The following MOB1B variants were observed in gnomAD, a reference collection of about 807,000 sequenced individuals.
MOB1B encodes the protein MOB kinase activator 1B, also known as MOB1 Mps One Binder homolog B.
A neutral mutation model predicts 24.4 loss-of-function variants in MOB1B; 19 were observed. The ratio of observed to expected loss-of-function variants is 0.78; its 90% confidence interval spans 0.54 to 1.14. MOB1B has a LOEUF of 1.14. Among genes scored for constraint, MOB1B ranks in the 50% most tolerant of loss-of-function variants. The pLI is 0.00. For missense variants in MOB1B, 243 were observed against 259.6 expected (o/e 0.94, Z 0.44); for synonymous variants, 76 against 82.1 (o/e 0.93, Z 0.40).
intron 1 of MOB1B, among the ~76,000 whole-genome samples, chr4:70,932,404 T>A (rs1578363532): frequency 6.6e-6 from 1 of 152,284 alleles, no homozygotes; most frequent in South Asian, 2.1e-4. Flanking sequence ...TTCTTTTTCT[T>A]TCTTTTTTTT....
chr4:70,974,753 A>C (rs1738906919), intron 3 of MOB1B, among the ~76,000 whole-genome samples: 1 of 152,204 alleles, frequency 6.6e-6, no homozygotes, highest in Admixed American at 6.5e-5. Flanking sequence ...TAAAGCCCCA[A>C]GTTAAAAAGA....
chr4:70,980,632 C>G (rs1404708104), intron 5 of MOB1B, among the ~76,000 whole-genome samples: 1 of 152,172 alleles, frequency 6.6e-6, no homozygotes, highest in Non-Finnish European at 1.5e-5. Flanking sequence ...CACCCCTCCC[C>G]ACAGAGTGAG....
intron 2 of MOB1B, among the ~76,000 whole-genome samples, chr4:70,960,211 C>G (rs1738249804): frequency 6.6e-6 from 1 of 151,956 alleles, no homozygotes; most frequent in Non-Finnish European, 1.5e-5. Flanking sequence ...AAAAAGATAT[C>G]AAGTAGTCAT....
chr4:70,943,449 T>A (rs1226357580), intron 1 of MOB1B, among the ~76,000 whole-genome samples: 1 of 152,202 alleles, frequency 6.6e-6, no homozygotes, highest in Non-Finnish European at 1.5e-5. Context: ...TAATCATGTT[T>A]TCCACTTACC....
chr4:70,974,246 C>T (rs1010811605), intron 3 of MOB1B, among the ~76,000 whole-genome samples: 28 of 151,950 alleles, frequency 1.8e-4, no homozygotes, highest in Admixed American at 1.2e-3. Context: ...CCTCCTCCTC[C>T]CTGGTTCAAG....
chr4:70,963,155 T>G (rs1404973745), intron 2 of MOB1B, among the ~76,000 whole-genome samples: 1 of 152,178 alleles, frequency 6.6e-6, no homozygotes, highest in Non-Finnish European at 1.5e-5. Context: ...AGCTCTTAAA[T>G]TCAGCAATAA....
intron 1 of MOB1B, among the ~76,000 whole-genome samples, chr4:70,910,436 CATAT>C (rs1313613967): frequency 1.3e-5 from 2 of 151,162 alleles, no homozygotes; most frequent in Non-Finnish European, 2.9e-5. Context: ...TATATACACA[CATAT>C]GTATGTATAT....
At chr4:70,948,270 A>G (rs903341227) in intron 1 of MOB1B, among the ~76,000 whole-genome samples, 19 of 152,162 alleles carry the variant, frequency 1.2e-4, no homozygotes, top group Non-Finnish European at 5.9e-5. Flanking sequence ...GTTCACTTTT[A>G]TAATGACAAT....
At chr4:70,936,236 C>T (rs541317718) in intron 1 of MOB1B, among the ~76,000 whole-genome samples, 7 of 152,220 alleles carry the variant, frequency 4.6e-5, no homozygotes, top group South Asian at 2.1e-4. Flanking sequence ...TCAAGCAGTC[C>T]GCCCACCTCA....
At chr4:70,973,939 A>G (rs757780716) in intron 3 of MOB1B, among the ~76,000 whole-genome samples, 5 of 152,148 alleles carry the variant, frequency 3.3e-5, no homozygotes, top group Non-Finnish European at 7.4e-5. Context: ...TCTGTTATAT[A>G]TTGTCATCTC....
chr4:70,908,474 T>C (rs2148866010), intron 1 of MOB1B, among the ~76,000 whole-genome samples: 1 of 151,598 alleles, frequency 6.6e-6, no homozygotes, highest in East Asian at 2.0e-4. Flanking sequence ...CATTTGTCAT[T>C]CTTAAGATTA....
At chr4:70,908,771 TC>T (rs1362282664) in intron 1 of MOB1B, among the ~76,000 whole-genome samples, 1 of 4,742 alleles carries the variant, frequency 2.1e-4, no homozygotes, top group Non-Finnish European at 4.0e-4. Flanking sequence ...TGAGACTTCG[TC>T]TTAAAAAAAA....
At chr4:70,903,799 A>G (rs907558733) in intron 1 of MOB1B, among the ~76,000 whole-genome samples, 4 of 151,840 alleles carry the variant, frequency 2.6e-5, no homozygotes, top group Admixed American at 1.3e-4. Flanking sequence ...GGCAGACTTG[A>G]TATTTCCAAT....
chr4:70,936,929 T>A (rs1041641089), intron 1 of MOB1B, among the ~76,000 whole-genome samples: 3 of 152,090 alleles, frequency 2.0e-5, no homozygotes, highest in South Asian at 4.2e-4. Context: ...TTTTTTTAAT[T>A]TTTTTGAGAC....
chr4:70,958,628 T>C, intron 1 of MOB1B: 2 of 558,144 alleles, frequency 3.6e-6, no homozygotes, highest in Non-Finnish European at 6.8e-6. Flanking sequence ...ATGGAAGTAC[T>C]TTTTTGTTTT....
chr4:70,946,084 CTTTTTTTTTTT>C lies in MOB1B; in HGVS notation c.15-12778_15-12768del, dbSNP rs11331194. ...TTGGCTAAGCTGGTTTTTGTTTGTT[CTTTTTTTTTTT>C]TTTTTTTTTTTGGCCAAAGTTTAAG... On this transcript the variant is annotated intron_variant, in intron 1 of 5. Transcript: ENST00000309395. Among the ~76,000 whole-genome samples the C allele has an allele frequency of 4.7e-5, 4 of 85,394 alleles. No homozygotes were observed. In the East Asian group the frequency reaches 1.0e-3, roughly 22 times the overall value. The allele number at this position is 85,394 out of a possible 152,430, so 56.0% of individuals were successfully genotyped here.
chr4:70,942,843 G>A, intron 1 of MOB1B: 2 of 866,732 alleles, frequency 2.3e-6, no homozygotes, highest in Non-Finnish European at 1.3e-6. Flanking sequence ...CATATTGTCG[G>A]ATTATGAAAG....
intron 1 of MOB1B, among the ~76,000 whole-genome samples, chr4:70,921,943 T>C (rs964772251): frequency 3.3e-5 from 5 of 152,224 alleles, no homozygotes; most frequent in African/African-American, 1.2e-4. Flanking sequence ...TTTTCCCACA[T>C]CTTTCTCCCC....
At position 70,981,839 on chromosome 4, in the gene MOB1B, C is replaced by A. The variant is rs536852475; in HGVS notation, c.574-141C>A. On this transcript the variant is annotated intron_variant, in intron 5 of 5. Transcript: ENST00000309395. ...TTAAGTGATTTACCCAAGACACAGA[C>A]CTAGTGAACAAGAAAAAAATAATCT... is the stretch of plus-strand genomic sequence containing the variant. 2.8e-5 allele frequency: 17 copies of A among 596,938 alleles called. 1 individual carries two copies. In the South Asian group the frequency reaches 3.4e-4, roughly 12 times the overall value. 37.0% of individuals were successfully genotyped at this position (596,938 alleles called of 1,614,324 possible).
Sources: allele counts gnomAD v4.1 joint callset (sites outside exome capture counted in the v4.1 genomes callset), GRCh38; gene constraint gnomAD v4.1.1; transcripts MANE v1.5; gene names NCBI Gene and HGNC (gene_info 2026-07-23, HGNC 2026-07-21).